AKAP9: variants seen among roughly 807,000 people sequenced by gnomAD.
The protein encoded by AKAP9 is A-kinase anchoring protein 9.
AKAP9 carries 311 observed loss-of-function variants against 488.5 expected under a neutral mutation model. The observed-to-expected ratio is 0.64, with a 90% CI of 0.58 to 0.70. AKAP9 has a LOEUF of 0.70. Ranked by LOEUF, AKAP9 falls within the 30% of genes least tolerant of loss-of-function variation. The pLI, the probability that AKAP9 is intolerant of heterozygous loss-of-function variation, is 0.00. For missense variants in AKAP9, 4,215 were observed against 4,374.5 expected (o/e 0.96, Z 1.03); for synonymous variants, 1,462 against 1,483.5 (o/e 0.99, Z 0.33).
chr7:92,012,345 A>T, intron 8 of AKAP9, 84 bp from the exon 9 acceptor site: 3 of 1,234,022 alleles, frequency 2.4e-6, no homozygotes, highest in Non-Finnish European at 3.5e-6. Flanking sequence ...AAACTCTTGT[A>T]GTCAGTATAT....
rs760889823 is a variant in AKAP9 at position 92,095,081 on chromosome 7, G to A, written c.9637G>A (p.Glu3213Lys). 1 of 1,614,160 alleles carries A rather than the reference G, an allele frequency of 6.2e-7. No homozygotes were observed. Residue 3213 changes from glutamate to lysine, a missense_variant, in exon 40 of 50, where the codon GAA becomes AAA. This residue lies in a region of AKAP9 where 1,476 missense variants were observed against 1,477.4 expected (regional missense o/e 1.00). Transcript: ENST00000356239. Reference sequence around the variant, plus strand: ...TTTGCTTAATGACACATTAGCAAGTGAACAGAAAAAATCAAGAGAGCTCCA... The same window carrying A: ...TTTGCTTAATGACACATTAGCAAGTAAACAGAAAAAATCAAGAGAGCTCCA... ...VHLLNDTLASEQKKSRELQWA... is the reference protein window; with the variant it reads ...VHLLNDTLASKQKKSRELQWA...
At chr7:92,062,056 G>T (rs1349391472) in intron 23 of AKAP9, among the ~76,000 whole-genome samples, 1 of 152,144 alleles carries the variant, frequency 6.6e-6, no homozygotes, top group Non-Finnish European at 1.5e-5. Context: ...GAAATTTCAT[G>T]TTTATGCACA....
intron 1 of AKAP9, among the ~76,000 whole-genome samples, chr7:91,969,073 G>T (rs1486695919): frequency 6.6e-6 from 1 of 151,642 alleles, no homozygotes; most frequent in Non-Finnish European, 1.5e-5. Flanking sequence ...GACCAACCTG[G>T]GCAACAAAGT....
chr7:92,057,806 G>GT (rs1335088888), intron 22 of AKAP9: 6 of 223,884 alleles, frequency 2.7e-5, no homozygotes, highest in Non-Finnish European at 5.3e-5. Context: ...CTAATTAGAT[G>GT]TTTATATTTT....
rs542505665 is a variant in AKAP9, at chr7:92,073,137, G to A, written c.6612+2128G>A. ...CCCAAATGTAAAACTAGCGGTGGACGTCAAGGAATCTACTGTGTAATTAAG... is the reference window on the plus strand; with the variant it reads ...CCCAAATGTAAAACTAGCGGTGGACATCAAGGAATCTACTGTGTAATTAAG... On this transcript the variant is annotated intron_variant, in intron 28 of 49. Transcript: ENST00000356239. Among the ~76,000 whole-genome samples the A allele has an allele frequency of 4.6e-5, 7 of 152,202 alleles. No homozygotes were observed. In the East Asian group the frequency reaches 5.8e-4, roughly 13 times the overall value.
intron 3 of AKAP9, among the ~76,000 whole-genome samples, chr7:91,991,685 A>G (rs1026304598): frequency 1.3e-5 from 2 of 152,050 alleles, no homozygotes; most frequent in African/African-American, 4.8e-5. Context: ...GTTAGCCAGG[A>G]TGGTCTCGAT....
At chr7:91,947,169 TGTGTGC>T (rs1310754347) in intron 1 of AKAP9, among the ~76,000 whole-genome samples, 1 of 97,168 alleles carries the variant, frequency 1.0e-5, no homozygotes, top group African/African-American at 3.4e-5. Flanking sequence ...TGTGTGTGTG[TGTGTGC>T]GTGTGTGTGT....
chr7:92,101,576 C>A (rs934692244), intron 45 of AKAP9, among the ~76,000 whole-genome samples: 6 of 152,152 alleles, frequency 3.9e-5, no homozygotes, highest in Non-Finnish European at 7.3e-5. Context: ...TATTAATGGT[C>A]ACAGTGGCAG....
intron 46 of AKAP9, among the ~76,000 whole-genome samples, chr7:92,104,636 C>T (rs1818231612): frequency 6.6e-6 from 1 of 152,178 alleles, no homozygotes; most frequent in South Asian, 2.1e-4. Context: ...CCAGCCCAGT[C>T]TCCCAAGTCT....
intron 12 of AKAP9, among the ~76,000 whole-genome samples, chr7:92,021,124 A>G (rs147762343): frequency 9.2e-5 from 14 of 152,336 alleles, no homozygotes; most frequent in African/African-American, 3.4e-4. Flanking sequence ...TTTCTTCCTT[A>G]TAGCCTTCCC....
chr7:92,058,405 T>A (rs1809187458), intron 22 of AKAP9: 1 of 529,892 alleles, frequency 1.9e-6, no homozygotes. Context: ...TGCCTACCCC[T>A]CCTTATTCAG....
intron 1 of AKAP9, among the ~76,000 whole-genome samples, chr7:91,959,059 A>G (rs1793397934): frequency 1.3e-5 from 2 of 151,684 alleles, no homozygotes; most frequent in Admixed American, 1.3e-4. Flanking sequence ...AAATTTTTGT[A>G]TTTTTTGTAG....
chr7:91,992,920 A>G lies in AKAP9; in HGVS notation c.441A>G (p.Glu147=), dbSNP rs185898118. The change falls in exon 5 of 50, where the codon GAA becomes GAG. Residue 147 remains glutamate (E), a synonymous_variant. Transcript: ENST00000356239. ...EEFGVDDSYS[E]QGAQDSPTHL... ...TTGGTGTTGATGATTCTTATTCTGA[A>G]CAAGGAGCACAAGACAGTCCGACTC... 1.5e-5 allele frequency: 24 copies of G among 1,613,940 alleles called. No homozygotes were observed. Among genetic ancestry groups the G allele is most frequent in the Non-Finnish European group, 1.9e-5 (23 of 1,179,988 alleles).
At chr7:91,941,695 T>C (rs898796576) in intron 1 of AKAP9, among the ~76,000 whole-genome samples, 1 of 152,162 alleles carries the variant, frequency 6.6e-6, no homozygotes, top group Non-Finnish European at 1.5e-5. Context: ...AGGGGCGTTT[T>C]TAGAAGCGTG....
intron 3 of AKAP9, among the ~76,000 whole-genome samples, chr7:91,989,592 G>T: frequency 6.6e-6 from 1 of 152,016 alleles, no homozygotes; most frequent in Admixed American, 6.6e-5. Flanking sequence ...TAGTAATAGG[G>T]TATTCACTCT....
intron 40 of AKAP9, 67 bp downstream of exon 40, chr7:92,095,240 C>T: frequency 1.3e-6 from 2 of 1,572,380 alleles, no homozygotes; most frequent in Non-Finnish European, 1.7e-6. Flanking sequence ...TTAAGGCTTT[C>T]CTCCATCTAA....
chr7:92,042,115 C>G lies in AKAP9; in HGVS notation c.4987C>G (p.Leu1663Val). The change falls in exon 19 of 50, where the codon CTA becomes GTA. Residue 1663 changes from leucine to valine, a missense_variant. Physicochemically the swap from Leu to Val is conservative, Grantham distance 32 (BLOSUM62 1). This residue lies in a region of AKAP9 where 2,361 missense variants were observed against 2,430.0 expected (regional missense o/e 0.97). Coordinates refer to ENST00000356239, the MANE Select transcript of AKAP9 (RefSeq NM_005751.5). ...ERVLLEELEA[L>V]KQLSLAGREK... Reference sequence around the variant, plus strand: ...GGTGCTTTTAGAGGAGCTGGAAGCACTAAAGCAGCTGTCTTTAGCTGGAAG... The same window carrying G: ...GGTGCTTTTAGAGGAGCTGGAAGCAGTAAAGCAGCTGTCTTTAGCTGGAAG... 1 of 1,614,004 alleles carries G rather than the reference C, an allele frequency of 6.2e-7. No homozygotes were observed. The highest frequency in any genetic ancestry group is 1.1e-5 in the South Asian group (1 of 91,080).
chr7:92,072,151 C>T (rs371151547), intron 28 of AKAP9, among the ~76,000 whole-genome samples: 4 of 152,210 alleles, frequency 2.6e-5, no homozygotes, highest in African/African-American at 9.6e-5. Context: ...ATTGATTAAC[C>T]TTACTGATTT....
intron 22 of AKAP9, among the ~76,000 whole-genome samples, chr7:92,058,714 A>AT (rs1350699631): frequency 6.6e-6 from 1 of 152,052 alleles, no homozygotes; most frequent in Non-Finnish European, 1.5e-5. Flanking sequence ...TAAGAATGGA[A>AT]TAATTATTAT....
Sources: allele counts gnomAD v4.1 joint callset (sites outside exome capture counted in the v4.1 genomes callset), GRCh38; gene constraint gnomAD v4.1.1; regional missense constraint gnomAD v4.1.1; transcripts MANE v1.5; gene names NCBI Gene and HGNC (gene_info 2026-07-23, HGNC 2026-07-21).